Variants in ANKS1B observed in about 807,000 individuals in gnomAD.
The protein encoded by ANKS1B is ankyrin repeat and sterile alpha motif domain-containing protein 1B.
In ANKS1B, 36 loss-of-function variants were observed where a neutral mutation model predicts 148.3. The ratio of observed to expected loss-of-function variants is 0.24; its 90% CI spans 0.19 to 0.32. ANKS1B has a LOEUF of 0.32. ANKS1B is among the 10% of genes least tolerant of loss of function. The pLI is 1.00. For missense variants in ANKS1B, 1,157 were observed against 1,542.6 expected (o/e 0.75, Z 4.19); for synonymous variants, 542 against 560.8 (o/e 0.97, Z 0.47).
At chr12:99,305,219 A>G (rs2082184465) in intron 12 of ANKS1B, among the ~76,000 whole-genome samples, 1 of 152,020 alleles carries the variant, frequency 6.6e-6, no homozygotes, top group Non-Finnish European at 1.5e-5. Context: ...CCATGAACCC[A>G]ACACCTCCCA....
At chr12:99,272,712 A>T (rs2077182149) in intron 12 of ANKS1B, among the ~76,000 whole-genome samples, 1 of 152,214 alleles carries the variant, frequency 6.6e-6, no homozygotes, top group South Asian at 2.1e-4. Context: ...CATAACATAC[A>T]TTTTGGGAGT....
At position 99,984,363 on chromosome 12, in the gene ANKS1B, GAGAGCTCCCTGCA is replaced by G; in HGVS notation, c.-139_-127del. ...AAAATAATGCAAGAGCTTCAGCACGGAGAGCTCCCTGCAGCCCCAGGCAGGGAGCACGACTCTC... is the reference window on the plus strand; with the variant it reads ...AAAATAATGCAAGAGCTTCAGCACGGGCCCCAGGCAGGGAGCACGACTCTC... On this transcript the variant is annotated 5_prime_UTR_variant, in exon 1 of 27. Transcript: ENST00000683438. The G allele has an allele frequency of 4.9e-6, 3 of 618,130 alleles. No homozygotes were observed. Among genetic ancestry groups the G allele is most frequent in the East Asian group, 4.4e-5 (1 of 22,474 alleles). 38.3% of individuals were successfully genotyped at this position (618,130 alleles called of 1,614,324 possible).
intron 12 of ANKS1B, among the ~76,000 whole-genome samples, chr12:99,313,470 A>C (rs1191410620): frequency 6.6e-6 from 1 of 152,156 alleles, no homozygotes; most frequent in African/African-American, 2.4e-5. Context: ...ACAACAACAA[A>C]AAACTTCAGG....
intron 11 of ANKS1B, among the ~76,000 whole-genome samples, chr12:99,410,617 C>T (rs1282407956): frequency 1.3e-5 from 2 of 152,062 alleles, no homozygotes; most frequent in East Asian, 1.9e-4. Flanking sequence ...TGCAGGGAGC[C>T]GAGATCGGGC....
intron 14 of ANKS1B, among the ~76,000 whole-genome samples, chr12:99,202,161 T>G (rs2082143596): frequency 1.3e-5 from 2 of 152,230 alleles, no homozygotes; most frequent in Non-Finnish European, 2.9e-5. Context: ...AGCTTCGGCT[T>G]TCTCTTTCTA....
chr12:99,164,285 A>G (rs139800385), intron 14 of ANKS1B, among the ~76,000 whole-genome samples: 137 of 152,306 alleles, frequency 9.0e-4, no homozygotes, highest in African/African-American at 3.0e-3. Flanking sequence ...CAGAGCTGTA[A>G]TATTTTAATC....
chr12:98,749,249 C>T (rs1355732493), intron 26 of ANKS1B, among the ~76,000 whole-genome samples: 2 of 152,048 alleles, frequency 1.3e-5, no homozygotes, highest in Non-Finnish European at 2.9e-5. Flanking sequence ...CAGGCACCCA[C>T]CACCACGCCC....
intron 1 of ANKS1B, among the ~76,000 whole-genome samples, chr12:99,902,188 T>C (rs2093623434): frequency 6.6e-6 from 1 of 152,136 alleles, no homozygotes; most frequent in South Asian, 2.1e-4. Flanking sequence ...GCTTTCAGTA[T>C]AAAGCCTCTC....
chr12:99,675,019 T>C (rs1037769071), intron 8 of ANKS1B, among the ~76,000 whole-genome samples: 9 of 151,974 alleles, frequency 5.9e-5, no homozygotes, highest in Non-Finnish European at 8.8e-5. Context: ...TTAACTACTT[T>C]AGTATTTATA....
At chr12:99,104,921 T>A (rs2058804043) in intron 15 of ANKS1B, 1 of 152,244 alleles carries the variant, frequency 6.6e-6, no homozygotes, top group Non-Finnish European at 1.5e-5. Flanking sequence ...CAGACCAGAC[T>A]ACCTTGCGGT....
intron 14 of ANKS1B, among the ~76,000 whole-genome samples, chr12:99,191,110 G>A (rs372173201): frequency 6.6e-6 from 1 of 152,080 alleles, no homozygotes; most frequent in Non-Finnish European, 1.5e-5. Flanking sequence ...TATAATCACT[G>A]GTCACTAGAG....
At chr12:99,525,056 C>T (rs1199400453) in intron 9 of ANKS1B, among the ~76,000 whole-genome samples, 1 of 152,192 alleles carries the variant, frequency 6.6e-6, no homozygotes, top group South Asian at 2.1e-4. Flanking sequence ...ATATTTTCGA[C>T]TGGTAGGGCC....
intron 12 of ANKS1B, among the ~76,000 whole-genome samples, chr12:99,325,024 A>G (rs950297569): frequency 3.3e-5 from 5 of 152,172 alleles, no homozygotes; most frequent in Non-Finnish European, 5.9e-5. Context: ...GATATGCCGT[A>G]TATGTACAGT....
chr12:98,886,765 C>T (rs1363835247), intron 17 of ANKS1B, among the ~76,000 whole-genome samples: 6 of 152,060 alleles, frequency 3.9e-5, no homozygotes, highest in African/African-American at 1.4e-4. Context: ...ATATTCAATG[C>T]TATTAAACAA....
At position 99,758,962 on chromosome 12, in the gene ANKS1B, A is replaced by C. The variant is rs576906532; in HGVS notation, c.1128+13960T>G. Among the ~76,000 whole-genome samples, 5 of 152,026 alleles carry C rather than the reference A, an allele frequency of 3.3e-5. No individual in the cohort carries two copies. In the East Asian group the frequency reaches 9.6e-4, roughly 29 times the overall value. On this transcript the variant is annotated intron_variant, in intron 8 of 26. Transcript: ENST00000683438. Reference sequence around the variant, plus strand: ...AGTAACAAAGAATAGATTATAGGAAAAGATATAACATGTCAATTTTTGTCT... The same window carrying C: ...AGTAACAAAGAATAGATTATAGGAACAGATATAACATGTCAATTTTTGTCT...
At chr12:99,470,721 G>A (rs902339201) in intron 10 of ANKS1B, among the ~76,000 whole-genome samples, 3 of 152,090 alleles carry the variant, frequency 2.0e-5, no homozygotes, top group Admixed American at 6.6e-5. Flanking sequence ...TATGTGCCAA[G>A]TATTTCATGG....
At chr12:98,806,758 AGTTG>A (rs1278759118) in intron 20 of ANKS1B, among the ~76,000 whole-genome samples, 5 of 152,346 alleles carry the variant, frequency 3.3e-5, no homozygotes, top group African/African-American at 1.2e-4. Flanking sequence ...GATCAAATGC[AGTTG>A]GTTATACTGA....
At chr12:99,387,886 T>G (rs1290442342) in intron 12 of ANKS1B, among the ~76,000 whole-genome samples, 1 of 151,820 alleles carries the variant, frequency 6.6e-6, no homozygotes, top group Non-Finnish European at 1.5e-5. Context: ...CCAAGTAGAT[T>G]AGATGCCAAG....
chr12:99,132,995 A>G (rs1477541009), intron 15 of ANKS1B, among the ~76,000 whole-genome samples: 2 of 146,066 alleles, frequency 1.4e-5, no homozygotes, highest in East Asian at 2.0e-4. Flanking sequence ...TCAATTTTCC[A>G]TATCTCTTAA....
Sources: allele counts gnomAD v4.1 joint callset (sites outside exome capture counted in the v4.1 genomes callset), GRCh38; gene constraint gnomAD v4.1.1; transcripts MANE v1.5; gene names NCBI Gene and HGNC (gene_info 2026-07-23, HGNC 2026-07-21).